VPS37D: variants seen among roughly 807,000 people sequenced by gnomAD.
VPS37D encodes vacuolar protein sorting-associated protein 37D.
VPS37D carries 5 observed loss-of-function variants against 22.0 expected under a neutral mutation model. That is an observed-to-expected ratio of 0.23 (90% confidence interval 0.12 to 0.48). The LOEUF (loss-of-function observed/expected upper bound fraction) is 0.48. VPS37D is among the 20% of genes least tolerant of loss of function. VPS37D has a pLI of 0.99. For missense variants in VPS37D, 384 were observed against 345.8 expected (o/e 1.11, Z -0.88); for synonymous variants, 174 against 159.3 (o/e 1.09, Z -0.69).
intron 3 of VPS37D, 57 bp from the exon 4 acceptor site, chr7:73,670,957 C>T: frequency 6.3e-6 from 10 of 1,579,604 alleles, no homozygotes; most frequent in Non-Finnish European, 8.6e-6. Flanking sequence ...GGAGTGAGGA[C>T]CAGTCCCCAG....
At chr7:73,667,732 G>C (rs1406415942), upstream of VPS37D, 3 of 154,250 alleles carry the variant, frequency 1.9e-5, no homozygotes, top group African/African-American at 7.3e-5. Context: ...GGCGCGGCGC[G>C]GCCGGGGCGG....
At chr7:73,668,199 G>A in intron 1 of VPS37D, 103 bp downstream of exon 1, 1 of 723,306 alleles carries the variant, frequency 1.4e-6, no homozygotes. Context: ...GGGGCCGCCC[G>A]TGGGCGCGGA....
intron 3 of VPS37D, among the ~76,000 whole-genome samples, chr7:73,670,720 G>C (rs1275887177): frequency 6.6e-6 from 1 of 151,856 alleles, no homozygotes; most frequent in African/African-American, 2.4e-5. Context: ...TGAGGCAGGA[G>C]AATTGCTTGA....
chr7:73,668,028 A>G lies in VPS37D; in HGVS notation c.70A>G (p.Thr24Ala). Reference sequence around the variant, plus strand: ...CCCGGGGCGCTTTGGGATCCTCAGCACCGGGCAGCTCCGGGACCTGCTTCA... The same window carrying G: ...CCCGGGGCGCTTTGGGATCCTCAGCGCCGGGCAGCTCCGGGACCTGCTTCA... ...GSPGRFGILS[T>A]GQLRDLLQDE... Residue 24 changes from threonine to alanine, a missense_variant, in exon 1 of 4, where the codon ACC becomes GCC. Thr to Ala is a moderately conservative substitution (Grantham distance 58, BLOSUM62 0). Transcript: ENST00000324941. 8.7e-7 allele frequency: 1 copy of G among 1,154,774 alleles called. No individual in the cohort carries two copies. The highest frequency in any genetic ancestry group is 1.1e-6 in the Non-Finnish European group (1 of 928,444). 71.5% of individuals were successfully genotyped at this position (1,154,774 alleles called of 1,614,324 possible).
rs1554609458 is a variant in VPS37D at position 73,670,107 on chromosome 7, G to C, written c.393+5G>C. 6.4e-7 allele frequency: 1 copy of C among 1,550,890 alleles called. No individual in the cohort carries two copies. The highest frequency in any genetic ancestry group is 2.0e-5 in the Admixed American group (1 of 51,002). ...GAGGCGGAGCAGGAGGCAGAGGTGA[G>C]GGGAGGGGTGGCTGGGGCTGGGGGC... On this transcript the variant is annotated splice_donor_5th_base_variant and intron_variant, in intron 3 of 3. Transcript: ENST00000324941.
chr7:73,667,899 G>GGGGCGGAGC lies in VPS37D; in HGVS notation c.-55_-47dup. On this transcript the variant is annotated 5_prime_UTR_variant, in exon 1 of 4. Coordinates refer to ENST00000324941, the MANE Select transcript of VPS37D (RefSeq NM_001077621.2). ...GAGCGGAGCGGAGCGGAGCGGAGCC[G>GGGGCGGAGC]GGGCGGAGCGGGCCGAGCGGGCCGA... The GGGGCGGAGC allele has an allele frequency of 1.6e-6, 1 of 612,030 alleles. No homozygotes were observed. Among genetic ancestry groups the GGGGCGGAGC allele is most frequent in the South Asian group, 6.9e-5 (1 of 14,462 alleles). The allele number at this position is 612,030 out of a possible 1,614,324, so 37.9% of individuals were successfully genotyped here.
intron 3 of VPS37D, 43 bp from the exon 4 acceptor site, chr7:73,670,971 G>C: frequency 6.3e-7 from 1 of 1,597,620 alleles, no homozygotes; most frequent in East Asian, 2.2e-5. Context: ...TCCCCAGTCT[G>C]TGGTCGTGCC....
intron 2 of VPS37D, among the ~76,000 whole-genome samples, 199 bp from the exon 3 acceptor site, chr7:73,669,821 T>C (rs1797466400): frequency 1.3e-5 from 2 of 152,176 alleles, no homozygotes; most frequent in Admixed American, 1.3e-4. Context: ...AAGCCTCCCC[T>C]GTCTCTTTTG....
intron 2 of VPS37D, 46 bp from the exon 3 acceptor site, chr7:73,669,974 C>G (rs1797469439): frequency 1.3e-6 from 2 of 1,551,062 alleles, no homozygotes; most frequent in East Asian, 4.9e-5. Flanking sequence ...GAGTGCAAGC[C>G]CGGGGCCCTG....
intron 1 of VPS37D, among the ~76,000 whole-genome samples, chr7:73,668,778 CCTT>C (rs1172938236): frequency 2.0e-5 from 3 of 151,892 alleles, no homozygotes; most frequent in African/African-American, 7.3e-5. Context: ...AAGGAAAAAG[CCTT>C]CTCCAGGGCC....
At position 73,669,573 on chromosome 7, in the gene VPS37D, A is replaced by G. The variant is rs1554609315; in HGVS notation, c.293A>G (p.Asp98Gly). The change falls in exon 2 of 4, where the codon GAC becomes GGC. Residue 98 changes from aspartate (D) to glycine (G), a missense_variant. Physicochemically the swap from Asp to Gly is moderately conservative, Grantham distance 94. Coordinates refer to ENST00000324941, the MANE Select transcript of VPS37D (RefSeq NM_001077621.2). ...CGTGAGGTGGCCGAGAACTGCGCGG[A>G]CAAGCTGCAGCGACTGGGTGAGGGC... ...ELREVAENCA[D>G]KLQRLEESMH... 6 of 1,591,770 alleles carry G rather than the reference A, an allele frequency of 3.8e-6. No homozygotes were observed. The African/African-American group carries it at 8.0e-5, about 21-fold the overall frequency.
At chr7:73,666,162 A>G (rs909617854), upstream of VPS37D, among the ~76,000 whole-genome samples, 3 of 152,188 alleles carry the variant, frequency 2.0e-5, no homozygotes, top group Non-Finnish European at 2.9e-5. Context: ...TACAGGACAT[A>G]TCGGGGATCA....
chr7:73,670,127 G>T (rs1554609469), intron 3 of VPS37D, 25 bp downstream of exon 3: 5 of 1,549,668 alleles, frequency 3.2e-6, no homozygotes. Flanking sequence ...GGCTGGGGCT[G>T]GGGGCCAGGA....
Position 73,671,588 on chromosome 7 carries a change from C to A in VPS37D, c.*212C>A. On this transcript the variant is annotated 3_prime_UTR_variant, in exon 4 of 4. Coordinates refer to ENST00000324941, the MANE Select transcript of VPS37D (RefSeq NM_001077621.2). ...GGTGGGCAGGGCTTTATGCCTCTGG[C>A]GCTGAAGACACCCTGCCTTTTTTGT... The A allele has an allele frequency of 3.6e-6, 1 of 280,468 alleles. No homozygotes were observed. Among genetic ancestry groups the A allele is most frequent in the Non-Finnish European group, 6.7e-6 (1 of 149,808 alleles). 17.4% of individuals were successfully genotyped at this position (280,468 alleles called of 1,614,324 possible).
chr7:73,668,792 G>A (rs1465323105), intron 1 of VPS37D, among the ~76,000 whole-genome samples: 1 of 152,012 alleles, frequency 6.6e-6, no homozygotes, highest in African/African-American at 2.4e-5. Flanking sequence ...CTCCAGGGCC[G>A]GGGCTGCTGT....
chr7:73,670,371 T>G (rs1797480183), intron 3 of VPS37D, among the ~76,000 whole-genome samples: 1 of 152,146 alleles, frequency 6.6e-6, no homozygotes. Flanking sequence ...GGGGCAGACT[T>G]TGTGCTGGGT....
At chr7:73,670,244 C>T (rs1797477090) in intron 3 of VPS37D, 142 bp downstream of exon 3, 2 of 1,369,136 alleles carry the variant, frequency 1.5e-6, no homozygotes, top group Non-Finnish European at 2.0e-6. Flanking sequence ...CAGAGCCTAG[C>T]ATTGCTGTCC....
chr7:73,669,391 G>C (rs782306667), intron 1 of VPS37D, 28 bp from the exon 2 acceptor site: 2 of 1,526,792 alleles, frequency 1.3e-6, no homozygotes, highest in Admixed American at 2.0e-5. Context: ...TCCCCTGAGC[G>C]GGCCTCTTAG....
At chr7:73,670,157 A>ACC in intron 3 of VPS37D, 55 bp downstream of exon 3, 1 of 1,548,110 alleles carries the variant, frequency 6.5e-7, no homozygotes, top group South Asian at 1.2e-5. Flanking sequence ...ATTCTCTGCC[A>ACC]CCCCCTGGCT....
Sources: gnomAD v4.1 joint callset for allele counts (sites outside exome capture counted in the v4.1 genomes callset) on GRCh38, gnomAD v4.1.1 for gene constraint, MANE v1.5 for transcripts, NCBI Gene and HGNC (gene_info 2026-07-23, HGNC 2026-07-21) for gene names.